Variants in SH3GL2 observed in about 807,000 individuals in gnomAD.
The protein encoded by SH3GL2 is SH3 domain containing GRB2 like 2, endophilin A1.
Under a neutral mutation model 46.0 loss-of-function variants are expected in SH3GL2, and 24 were observed. The ratio of observed to expected loss-of-function variants is 0.52; its 90% confidence interval spans 0.38 to 0.73. The LOEUF is 0.73. Ranked by LOEUF, SH3GL2 falls within the 30% of genes least tolerant of loss-of-function variation. The pLI, the probability that SH3GL2 is intolerant of heterozygous loss-of-function variation, is 0.00. For synonymous variants in SH3GL2, 196 were observed against 147.1 expected, an observed-to-expected ratio of 1.33 and a Z score of -2.40; for missense variants, 413 against 424.2, an observed-to-expected ratio of 0.97 and a Z score of 0.23.
At chr9:17,772,232 T>C (rs1030952799) in intron 3 of SH3GL2, among the ~76,000 whole-genome samples, 2 of 152,226 alleles carry the variant, frequency 1.3e-5, no homozygotes, top group African/African-American at 4.8e-5. Context: ...AAATCTTATT[T>C]AGTGTGATTT....
intron 1 of SH3GL2, among the ~76,000 whole-genome samples, chr9:17,734,088 A>G (rs2118439356): frequency 6.6e-6 from 1 of 152,172 alleles, no homozygotes; most frequent in East Asian, 1.9e-4. Context: ...TGAAATATAA[A>G]TCTCAAGTTC....
At chr9:17,782,095 T>A (rs1395991313) in intron 3 of SH3GL2, among the ~76,000 whole-genome samples, 1 of 152,186 alleles carries the variant, frequency 6.6e-6, no homozygotes, top group Non-Finnish European at 1.5e-5. Context: ...AGAAAATCTT[T>A]TAAAAATAGA....
At chr9:17,637,985 T>G (rs1430432203) in intron 1 of SH3GL2, among the ~76,000 whole-genome samples, 1 of 151,786 alleles carries the variant, frequency 6.6e-6, no homozygotes, top group African/African-American at 2.4e-5. Context: ...TGAAACCCCG[T>G]CTCTACTAAA....
At chr9:17,698,831 C>A (rs890681094) in intron 1 of SH3GL2, among the ~76,000 whole-genome samples, 1 of 152,066 alleles carries the variant, frequency 6.6e-6, no homozygotes, top group Non-Finnish European at 1.5e-5. Context: ...TTTGTTCTTT[C>A]CCTAAAGATA....
chr9:17,762,410 A>AG (rs1235883294), intron 3 of SH3GL2, among the ~76,000 whole-genome samples: 1 of 151,738 alleles, frequency 6.6e-6, no homozygotes. Flanking sequence ...AAAAAAAAAA[A>AG]AAAAAGGGGG....
intron 1 of SH3GL2, among the ~76,000 whole-genome samples, chr9:17,666,545 CGTGT>C (rs71331502): frequency 0.036 from 5,147 of 142,118 alleles, 131 homozygotes; most frequent in African/African-American, 0.066. Flanking sequence ...ACAAAGGTAA[CGTGT>C]GTGTGTGTGT....
At chr9:17,675,738 A>G (rs1820591773) in intron 1 of SH3GL2, among the ~76,000 whole-genome samples, 1 of 152,168 alleles carries the variant, frequency 6.6e-6, no homozygotes, top group South Asian at 2.1e-4. Flanking sequence ...CGAGGTCAGG[A>G]GATTGAGACC....
intron 1 of SH3GL2, among the ~76,000 whole-genome samples, chr9:17,582,832 G>A (rs1249325320): frequency 6.6e-6 from 1 of 152,114 alleles, no homozygotes; most frequent in African/African-American, 2.4e-5. Context: ...GTGCTTTGTT[G>A]GGAATCTTTG....
At chr9:17,602,361 A>G (rs1818687024) in intron 1 of SH3GL2, among the ~76,000 whole-genome samples, 1 of 152,160 alleles carries the variant, frequency 6.6e-6, no homozygotes, top group Non-Finnish European at 1.5e-5. Context: ...CAGTCAGTTC[A>G]TTGTCAGTTT....
At chr9:17,744,593 C>G (rs185468388) in intron 1 of SH3GL2, among the ~76,000 whole-genome samples, 82 of 152,194 alleles carry the variant, frequency 5.4e-4, no homozygotes, top group African/African-American at 1.9e-3. Flanking sequence ...TCTCGGAAAT[C>G]CTGGGCTCAA....
At chr9:17,774,527 T>A (rs1439445201) in intron 3 of SH3GL2, among the ~76,000 whole-genome samples, 1 of 151,392 alleles carries the variant, frequency 6.6e-6, no homozygotes, top group Non-Finnish European at 1.5e-5. Flanking sequence ...TATTCCTGCA[T>A]CAATTGAGAT....
intron 1 of SH3GL2, among the ~76,000 whole-genome samples, chr9:17,736,951 C>T (rs977956292): frequency 4.6e-5 from 7 of 151,984 alleles, no homozygotes; most frequent in Non-Finnish European, 8.8e-5. Context: ...TGGAACCAAC[C>T]CAAATGCCCA....
chr9:17,786,718 C>G (rs12551838), intron 4 of SH3GL2, among the ~76,000 whole-genome samples, 194 bp downstream of exon 4: 14,552 of 152,110 alleles, frequency 0.096, 974 homozygotes, highest in Admixed American at 0.22. Context: ...TACAAGTTTT[C>G]TTCCCACCCC....
intron 1 of SH3GL2, among the ~76,000 whole-genome samples, chr9:17,721,433 A>C (rs942190823): frequency 1.3e-5 from 2 of 152,124 alleles, no homozygotes; most frequent in African/African-American, 4.8e-5. Context: ...ACAGGATCAT[A>C]CTAATGTAAG....
chr9:17,760,705 T>C (rs1417261896), intron 2 of SH3GL2, among the ~76,000 whole-genome samples: 1 of 152,152 alleles, frequency 6.6e-6, no homozygotes, highest in Non-Finnish European at 1.5e-5. Context: ...TCATTAGTCA[T>C]TTACCATGTA....
intron 1 of SH3GL2, among the ~76,000 whole-genome samples, chr9:17,677,624 G>A (rs1166930567): frequency 1.4e-5 from 2 of 147,308 alleles, no homozygotes; most frequent in South Asian, 2.2e-4. Context: ...AAATTGTATG[G>A]TATATATATA....
At chr9:17,770,958 C>T (rs999336000) in intron 3 of SH3GL2, among the ~76,000 whole-genome samples, 1 of 152,136 alleles carries the variant, frequency 6.6e-6, no homozygotes. Flanking sequence ...TGCAGCCTGG[C>T]GAGACCCTGA....
At chr9:17,792,094 C>A (rs1824146631) in intron 7 of SH3GL2, among the ~76,000 whole-genome samples, 1 of 152,210 alleles carries the variant, frequency 6.6e-6, no homozygotes, top group African/African-American at 2.4e-5. Context: ...TCTTAGGCCA[C>A]ATGGCCAGAT....
Position 17,768,714 on chromosome 9 carries a change from G to A in SH3GL2, c.187+7205G>A, listed in dbSNP as rs150245845. ...ATGGGCCCTCATCTGCCCCTTCTTC[G>A]ACAACTGTCTTCTCACCATCCCTCC... On this transcript the variant is annotated intron_variant, in intron 3 of 8. Coordinates refer to ENST00000380607, the MANE Select transcript of SH3GL2 (RefSeq NM_003026.5). Among the ~76,000 whole-genome samples the A allele has an allele frequency of 9.5e-3, 1,442 of 152,110 alleles. 29 individuals are homozygous for A. Among genetic ancestry groups the A allele is most frequent in the African/African-American group, 0.033 (1,379 of 41,494 alleles).
Sources: gnomAD v4.1 joint callset for allele counts (sites outside exome capture counted in the v4.1 genomes callset) on GRCh38, gnomAD v4.1.1 for gene constraint, MANE v1.5 for transcripts, NCBI Gene and HGNC (gene_info 2026-07-23, HGNC 2026-07-21) for gene names.